Variants in LSAMP observed in about 807,000 individuals in gnomAD.
LSAMP encodes limbic system associated membrane protein, also known as limbic system-associated membrane protein.
A neutral mutation model predicts 38.6 loss-of-function variants in LSAMP; 7 were observed. The observed-to-expected ratio is 0.18, with a 90% CI of 0.10 to 0.34. LSAMP has a LOEUF of 0.34. Ranked by LOEUF, LSAMP falls within the 10% of genes least tolerant of loss-of-function variation. The probability of loss-of-function intolerance (pLI) is 1.00; values close to 1 mark genes in which losing one functional copy is unlikely to be tolerated. For synonymous variants in LSAMP, 154 were observed against 166.8 expected (o/e 0.92, Z 0.59); for missense variants, 313 against 420.0 (o/e 0.75, Z 2.23).
Position 116,315,588 on chromosome 3 carries a change from A to G in LSAMP, c.155+129289T>C, listed in dbSNP as rs545203281. The stretch of plus-strand genomic sequence containing the variant: ...AATAATTTACGCTTTAAGAAATGAC[A>G]CAGCTACCCAGAGAATAGTTATTTA... On this transcript the variant is annotated intron_variant, in intron 1 of 6. Transcript: ENST00000490035. Among the ~76,000 whole-genome samples, 15 of 152,330 alleles carry G rather than the reference A, an allele frequency of 9.8e-5. No homozygotes were observed. The South Asian group carries it at 2.9e-3, about 29-fold the overall frequency.
chr3:115,973,105 A>G (rs1481637511), intron 3 of LSAMP, among the ~76,000 whole-genome samples: 1 of 152,110 alleles, frequency 6.6e-6, no homozygotes, highest in African/African-American at 2.4e-5. Context: ...ATGGGACATC[A>G]CCAGATGGTG....
At chr3:116,422,188 G>A (rs184872906) in intron 1 of LSAMP, among the ~76,000 whole-genome samples, 44 of 152,278 alleles carry the variant, frequency 2.9e-4, no homozygotes, top group Admixed American at 3.9e-4. Context: ...AAAATACTTC[G>A]TAGTGTATGA....
chr3:116,121,012 C>T (rs1370806788), intron 1 of LSAMP, among the ~76,000 whole-genome samples: 2 of 152,144 alleles, frequency 1.3e-5, no homozygotes, highest in African/African-American at 4.8e-5. Flanking sequence ...TACAGGAACT[C>T]CAGGTTAAGA....
intron 1 of LSAMP, among the ~76,000 whole-genome samples, chr3:116,172,495 A>T (rs1179976681): frequency 6.6e-6 from 1 of 151,952 alleles, no homozygotes; most frequent in Non-Finnish European, 1.5e-5. Flanking sequence ...AACAACTAAT[A>T]TTTTTTGCTT....
At chr3:115,952,941 A>G (rs999308617) in intron 3 of LSAMP, among the ~76,000 whole-genome samples, 1 of 152,250 alleles carries the variant, frequency 6.6e-6, no homozygotes, top group Non-Finnish European at 1.5e-5. Context: ...GTGCTTTATT[A>G]TTTCATTTAA....
chr3:116,210,494 C>T (rs1251421602), intron 1 of LSAMP, among the ~76,000 whole-genome samples: 1 of 152,202 alleles, frequency 6.6e-6, no homozygotes, highest in Non-Finnish European at 1.5e-5. Flanking sequence ...CTTGAACTTA[C>T]AGCAGTGATT....
chr3:116,184,205 T>C (rs1710555786), intron 1 of LSAMP, among the ~76,000 whole-genome samples: 1 of 151,848 alleles, frequency 6.6e-6, no homozygotes, highest in South Asian at 2.1e-4. Flanking sequence ...GCTAAATGTA[T>C]CAAACTTTGC....
At chr3:115,930,115 G>C (rs1392672806) in intron 3 of LSAMP, among the ~76,000 whole-genome samples, 2 of 145,380 alleles carry the variant, frequency 1.4e-5, no homozygotes, top group Non-Finnish European at 3.0e-5. Flanking sequence ...CAGTGACTTT[G>C]GGTGGAACTC....
chr3:115,987,060 T>C (rs765538587), intron 3 of LSAMP, among the ~76,000 whole-genome samples: 2 of 152,164 alleles, frequency 1.3e-5, no homozygotes, highest in Non-Finnish European at 2.9e-5. Context: ...TTTTCTCCCT[T>C]AGGGAGAAGG....
intron 1 of LSAMP, among the ~76,000 whole-genome samples, chr3:116,274,843 C>T (rs2047025180): frequency 6.6e-6 from 1 of 151,732 alleles, no homozygotes; most frequent in South Asian, 2.1e-4. Flanking sequence ...CTTTTTCCCT[C>T]CTCACCATTA....
chr3:115,993,596 C>T (rs1388060457), intron 3 of LSAMP, among the ~76,000 whole-genome samples: 2 of 151,874 alleles, frequency 1.3e-5, no homozygotes, highest in East Asian at 1.9e-4. Flanking sequence ...GTGATATTTT[C>T]CTTGTGCTCA....
At chr3:116,384,762 C>G (rs2048604070) in intron 1 of LSAMP, among the ~76,000 whole-genome samples, 1 of 152,072 alleles carries the variant, frequency 6.6e-6, no homozygotes. Context: ...TCCACCCACA[C>G]AGAAAACACA....
At chr3:116,370,872 C>T (rs1023699715) in intron 1 of LSAMP, among the ~76,000 whole-genome samples, 1 of 151,900 alleles carries the variant, frequency 6.6e-6, no homozygotes, top group African/African-American at 2.4e-5. Context: ...CTAAAATTAC[C>T]GAAATCTGAA....
intron 1 of LSAMP, among the ~76,000 whole-genome samples, chr3:116,106,433 G>A (rs1426575445): frequency 6.6e-6 from 1 of 152,176 alleles, no homozygotes; most frequent in Non-Finnish European, 1.5e-5. Context: ...ATAAAAAGGA[G>A]TGTCTATACA....
intron 1 of LSAMP, among the ~76,000 whole-genome samples, chr3:116,119,595 C>T (rs66955570): frequency 0.23 from 35,185 of 150,712 alleles, 4,180 homozygotes; most frequent in Admixed American, 0.28. Flanking sequence ...ACATTCAGCA[C>T]AAAAATGGAT....
intron 1 of LSAMP, among the ~76,000 whole-genome samples, chr3:116,373,282 T>C (rs1006958629): frequency 2.0e-5 from 3 of 151,362 alleles, no homozygotes; most frequent in African/African-American, 7.3e-5. Flanking sequence ...AAAAACAATA[T>C]TTCTGACATA....
chr3:116,391,586 GC>G (rs373075432), intron 1 of LSAMP, among the ~76,000 whole-genome samples: 2 of 122,260 alleles, frequency 1.6e-5, no homozygotes, highest in Non-Finnish European at 1.9e-5. Context: ...GAAGCAGGGC[GC>G]GGGGGTGGCA....
intron 1 of LSAMP, among the ~76,000 whole-genome samples, chr3:116,436,895 G>A (rs995806953): frequency 1.3e-5 from 2 of 152,028 alleles, no homozygotes; most frequent in African/African-American, 2.4e-5. Flanking sequence ...TTTCATGCAT[G>A]TTTATAGCAG....
intron 1 of LSAMP, among the ~76,000 whole-genome samples, chr3:116,314,333 A>G (rs1373838022): frequency 6.6e-6 from 1 of 152,248 alleles, no homozygotes; most frequent in Non-Finnish European, 1.5e-5. Context: ...AGGTGAATCC[A>G]TGTAAAATCC....
Sources: allele counts gnomAD v4.1 joint callset (sites outside exome capture counted in the v4.1 genomes callset), GRCh38; gene constraint gnomAD v4.1.1; transcripts MANE v1.5; gene names NCBI Gene and HGNC (gene_info 2026-07-23, HGNC 2026-07-21).